The following PJA2 variants were observed in gnomAD, a reference collection of about 807,000 sequenced individuals.
PJA2 encodes the protein praja ring finger ubiquitin ligase 2.
PJA2 carries 25 observed loss-of-function variants against 69.3 expected under a neutral mutation model. That is an observed-to-expected ratio of 0.36 (90% CI 0.26 to 0.50). The LOEUF (loss-of-function observed/expected upper bound fraction) is 0.50, where lower values mean the gene tolerates loss of function less well. Ranked by LOEUF, PJA2 falls within the 20% of genes least tolerant of loss-of-function variation. PJA2 has a pLI of 0.96. For synonymous variants in PJA2, 308 were observed against 277.8 expected (o/e 1.11, Z -1.08); for missense variants, 809 against 830.2 (o/e 0.97, Z 0.31).
At chr5:109,386,437 G>T (rs1371485571) in intron 1 of PJA2, among the ~76,000 whole-genome samples, 1 of 152,130 alleles carries the variant, frequency 6.6e-6, no homozygotes, top group Admixed American at 6.5e-5. Flanking sequence ...AAACAGTACA[G>T]AAATCATGGA....
At chr5:109,385,528 T>G (rs1488411887) in intron 1 of PJA2, among the ~76,000 whole-genome samples, 2 of 152,202 alleles carry the variant, frequency 1.3e-5, no homozygotes, top group Non-Finnish European at 2.9e-5. Flanking sequence ...TTGGATGAGT[T>G]AAGTTTGAGA....
chr5:109,393,044 C>T (rs910576872), intron 1 of PJA2, among the ~76,000 whole-genome samples: 7 of 152,088 alleles, frequency 4.6e-5, no homozygotes, highest in African/African-American at 1.7e-4. Flanking sequence ...AGATACCATT[C>T]AGAGACTGAA....
In PJA2 at chr5:109,344,169, T is replaced by TTTAG. The variant is rs142828555; in HGVS notation, c.2001+20_2001+21insCTAA. ...GACACTATTAAAGTATTTTTAAATT[T>TTTAG]TTAATTATTCTATCACTCACCTTTT... On this transcript the variant is annotated intron_variant, in intron 9 of 9. Coordinates refer to ENST00000361189, the MANE Select transcript of PJA2 (RefSeq NM_014819.5). 3,348 of 1,463,658 alleles carry TTTAG rather than the reference T, an allele frequency of 2.3e-3. 38 individuals carry two copies. Among genetic ancestry groups the TTTAG allele is most frequent in the South Asian group, 5.7e-3 (434 of 75,758 alleles). 90.7% of individuals were successfully genotyped at this position (1,463,658 alleles called of 1,614,324 possible).
chr5:109,378,883 A>T lies in PJA2; in HGVS notation c.604T>A (p.Phe202Ile). The T allele has an allele frequency of 6.2e-7, 1 of 1,614,122 alleles. No individual in the cohort carries two copies. Among genetic ancestry groups the T allele is most frequent in the Non-Finnish European group, 8.5e-7 (1 of 1,180,020 alleles). Reference sequence around the variant, plus strand: ...TCTGCCTCTCTGTTTTCCAACTCAAATACTGTATTGCCTAATGATTCCTGG... The same window carrying T: ...TCTGCCTCTCTGTTTTCCAACTCAATTACTGTATTGCCTAATGATTCCTGG... ...RYQESLGNTV[F>I]ELENREAEAY... Residue 202 changes from phenylalanine to isoleucine, a missense_variant, in exon 4 of 10, where the codon TTT becomes ATT. Around this residue, in one of 4 missense-constraint regions of PJA2, gnomAD observed 700 missense variants for 639.5 expected, o/e 1.09. Coordinates refer to ENST00000361189, the MANE Select transcript of PJA2 (RefSeq NM_014819.5).
chr5:109,360,876 C>T (rs1762493469), intron 6 of PJA2, among the ~76,000 whole-genome samples: 1 of 152,000 alleles, frequency 6.6e-6, no homozygotes, highest in South Asian at 2.1e-4. Flanking sequence ...ACCTGTAATC[C>T]CAGCACTTTG....
chr5:109,345,319 G>C (rs1228233572), intron 7 of PJA2, among the ~76,000 whole-genome samples: 2 of 150,252 alleles, frequency 1.3e-5, no homozygotes. Context: ...TCAAGCCATT[G>C]CACTCCAGCC....
chr5:109,342,516 G>T (rs1444457496), intron 9 of PJA2, among the ~76,000 whole-genome samples: 3 of 115,786 alleles, frequency 2.6e-5, no homozygotes, highest in African/African-American at 1.2e-4. Context: ...CCGTCCGGGA[G>T]GGAGGTGGGG....
intron 4 of PJA2, among the ~76,000 whole-genome samples, chr5:109,372,976 C>G (rs1762701775): frequency 6.8e-6 from 1 of 147,906 alleles, no homozygotes. Flanking sequence ...CACCTGTAGT[C>G]CCAGCTACTC....
chr5:109,392,025 T>C (rs954688571), intron 1 of PJA2, among the ~76,000 whole-genome samples: 7 of 152,206 alleles, frequency 4.6e-5, no homozygotes, highest in Non-Finnish European at 1.0e-4. Flanking sequence ...TCTCCTTAAA[T>C]AATCTATGGG....
chr5:109,346,988 T>C (rs892001989), intron 7 of PJA2, among the ~76,000 whole-genome samples: 2 of 152,210 alleles, frequency 1.3e-5, no homozygotes, highest in African/African-American at 4.8e-5. Context: ...CCTAAGGTCC[T>C]ACCATAGATA....
chr5:109,378,748 C>A lies in PJA2; in HGVS notation c.739G>T (p.Glu247Ter). The A allele has an allele frequency of 6.2e-7, 1 of 1,612,412 alleles. No homozygotes were observed. Residue 247 changes from glutamate to a stop codon, truncating the protein, a stop_gained, in exon 4 of 10, where the codon GAG becomes TAG. Transcript: ENST00000361189. LOFTEE classifies it high-confidence loss of function. ...PLVKSSAGDTEFVHQNSQEIQ... is the reference protein window; with the variant it reads ...PLVKSSAGDT ...TCCTGGCTATTCTGATGGACAAACT[C>A]AGTATCACCAGCAGAACTTTTCACT...
intron 4 of PJA2, among the ~76,000 whole-genome samples, chr5:109,370,810 G>A (rs2127002650): frequency 6.6e-6 from 1 of 152,018 alleles, no homozygotes; most frequent in South Asian, 2.1e-4. Context: ...ATAAATTTGT[G>A]GCAATTCTTA....
chr5:109,382,885 C>T (rs1010377192), intron 2 of PJA2, among the ~76,000 whole-genome samples: 2 of 149,640 alleles, frequency 1.3e-5, no homozygotes, highest in African/African-American at 2.4e-5. Context: ...ATGAATGAAA[C>T]AGTTACATAA....
chr5:109,354,124 G>GAGCTGTCTATAGATTAGATATCTATGA lies in PJA2; in HGVS notation c.1764+1790_1764+1791insTCATAGATATCTAATCTATAGACAGCT, dbSNP rs1561345782. 1.7e-4 allele frequency among the ~76,000 whole-genome samples: 11 copies of GAGCTGTCTATAGATTAGATATCTATGA among 65,904 alleles called. 2 individuals carry two copies. Among genetic ancestry groups the GAGCTGTCTATAGATTAGATATCTATGA allele is most frequent in the East Asian group, 1.4e-3 (6 of 4,138 alleles). The allele number at this position is 65,904 out of a possible 152,430, so 43.2% of individuals were successfully genotyped here. On this transcript the variant is annotated intron_variant, in intron 7 of 9. Coordinates refer to ENST00000361189, the MANE Select transcript of PJA2 (RefSeq NM_014819.5). ...GATATCTATAGATTAGATATCTATG[G>GAGCTGTCTATAGATTAGATATCTATGA]TATCTAGAGCTGTCTATAGATTAGA...
intron 5 of PJA2, 54 bp from the exon 6 acceptor site, chr5:109,363,076 A>T: frequency 7.0e-7 from 1 of 1,434,488 alleles, no homozygotes; most frequent in East Asian, 2.3e-5. Flanking sequence ...ACATACCATA[A>T]CACTGTCTTT....
chr5:109,351,348 C>T (rs1483308866), intron 7 of PJA2, among the ~76,000 whole-genome samples: 2 of 152,022 alleles, frequency 1.3e-5, no homozygotes, highest in Admixed American at 1.3e-4. Flanking sequence ...TCACTCATAA[C>T]TGGGAAAGGA....
At chr5:109,400,825 C>CA (rs996911126) in intron 1 of PJA2, among the ~76,000 whole-genome samples, 65 of 151,266 alleles carry the variant, frequency 4.3e-4, no homozygotes, top group African/African-American at 1.4e-3. Context: ...TAAAAAAATA[C>CA]AAAAAAAATT....
At chr5:109,349,859 G>T (rs1296722815) in intron 7 of PJA2, among the ~76,000 whole-genome samples, 1 of 151,898 alleles carries the variant, frequency 6.6e-6, no homozygotes, top group Non-Finnish European at 1.5e-5. Context: ...TCCTTATATT[G>T]AACTTTCCCA....
chr5:109,340,079 T>C (rs1259953527), intron 9 of PJA2, among the ~76,000 whole-genome samples: 1 of 152,178 alleles, frequency 6.6e-6, no homozygotes, highest in East Asian at 1.9e-4. Context: ...TAATACACAT[T>C]AGCACGTGCT....
Sources: allele counts gnomAD v4.1 joint callset (sites outside exome capture counted in the v4.1 genomes callset), GRCh38; gene constraint gnomAD v4.1.1; regional missense constraint gnomAD v4.1.1; transcripts MANE v1.5; gene names NCBI Gene and HGNC (gene_info 2026-07-23, HGNC 2026-07-21).